The following GPR158 variants were observed in gnomAD, a reference collection of about 807,000 sequenced individuals.
The protein encoded by GPR158 is metabotropic glycine receptor.
GPR158 carries 30 observed loss-of-function variants against 78.2 expected under a neutral mutation model. That is an observed-to-expected ratio of 0.38 (90% CI 0.29 to 0.52). The LOEUF is 0.52. Among genes scored for constraint, GPR158 ranks in the 20% least tolerant of loss-of-function variants. The probability of loss-of-function intolerance (pLI) is 0.83; values close to 1 mark genes in which losing one functional copy is unlikely to be tolerated. For synonymous variants in GPR158, 581 were observed against 591.1 expected (o/e 0.98, Z 0.25); for missense variants, 1,463 against 1,523.5 (o/e 0.96, Z 0.66).
intron 1 of GPR158, among the ~76,000 whole-genome samples, chr10:25,177,910 G>T (rs902769552): frequency 6.6e-6 from 1 of 152,110 alleles, no homozygotes; most frequent in African/African-American, 2.4e-5. Context: ...AATTCCTGCA[G>T]GATCCTATTA....
chr10:25,262,992 G>A (rs1227194356), intron 2 of GPR158, among the ~76,000 whole-genome samples: 1 of 152,124 alleles, frequency 6.6e-6, no homozygotes, highest in Non-Finnish European at 1.5e-5. Flanking sequence ...TTCCCAGTGT[G>A]TGGCTTCTCT....
At chr10:25,207,966 C>A (rs554736883) in intron 1 of GPR158, among the ~76,000 whole-genome samples, 1 of 152,262 alleles carries the variant, frequency 6.6e-6, no homozygotes, top group Non-Finnish European at 1.5e-5. Flanking sequence ...ATCATTAACA[C>A]AATTATGTAT....
chr10:25,463,590 G>A (rs1835385117), intron 4 of GPR158, among the ~76,000 whole-genome samples: 2 of 152,038 alleles, frequency 1.3e-5, no homozygotes, highest in Non-Finnish European at 1.5e-5. Context: ...AACAACTCTG[G>A]TTATAGTTTC....
At chr10:25,529,035 C>T (rs556382471) in intron 5 of GPR158, among the ~76,000 whole-genome samples, 1 of 152,144 alleles carries the variant, frequency 6.6e-6, no homozygotes, top group South Asian at 2.1e-4. Flanking sequence ...TTTCAACGAA[C>T]GGTGCTGAAA....
intron 2 of GPR158, among the ~76,000 whole-genome samples, chr10:25,373,726 A>G (rs1483701346): frequency 6.6e-6 from 1 of 151,812 alleles, no homozygotes; most frequent in Non-Finnish European, 1.5e-5. Context: ...TTCCAAGTAT[A>G]CTAGGATTCT....
chr10:25,546,912 C>T (rs1034518255), intron 5 of GPR158, among the ~76,000 whole-genome samples: 4 of 152,064 alleles, frequency 2.6e-5, no homozygotes, highest in East Asian at 1.9e-4. Flanking sequence ...ATGCAAGGAC[C>T]GCAGGGATCA....
intron 4 of GPR158, among the ~76,000 whole-genome samples, chr10:25,446,881 C>T (rs1304462076): frequency 1.3e-5 from 2 of 152,120 alleles, no homozygotes; most frequent in Non-Finnish European, 2.9e-5. Flanking sequence ...TTTAAATCGG[C>T]AGATAAGATA....
chr10:25,210,147 C>T (rs377155949), intron 1 of GPR158, among the ~76,000 whole-genome samples: 86 of 152,326 alleles, frequency 5.6e-4, no homozygotes, highest in Middle Eastern at 6.8e-3. Flanking sequence ...CTTGAACCCA[C>T]CCCATTTACA....
At chr10:25,227,381 C>T (rs983612983) in intron 2 of GPR158, among the ~76,000 whole-genome samples, 1 of 152,186 alleles carries the variant, frequency 6.6e-6, no homozygotes, top group Non-Finnish European at 1.5e-5. Context: ...TATTAAAATA[C>T]AATACATCTT....
At chr10:25,597,094 G>T (rs1564501296) in intron 10 of GPR158, among the ~76,000 whole-genome samples, 1 of 152,132 alleles carries the variant, frequency 6.6e-6, no homozygotes, top group South Asian at 2.1e-4. Flanking sequence ...CTGATTAAAC[G>T]TGTTCCATAA....
At chr10:25,261,594 A>G (rs1370276154) in intron 2 of GPR158, among the ~76,000 whole-genome samples, 2 of 152,138 alleles carry the variant, frequency 1.3e-5, no homozygotes, top group African/African-American at 4.8e-5. Flanking sequence ...TCAGCGTGTG[A>G]TACACTTGGA....
chr10:25,221,647 G>A (rs1365165962), intron 2 of GPR158, among the ~76,000 whole-genome samples: 3 of 152,150 alleles, frequency 2.0e-5, no homozygotes, highest in Non-Finnish European at 2.9e-5. Context: ...ATATGTGTGT[G>A]TATTTGTTCA....
At chr10:25,445,275 G>T (rs1835125871) in intron 4 of GPR158, among the ~76,000 whole-genome samples, 1 of 152,122 alleles carries the variant, frequency 6.6e-6, no homozygotes, top group Non-Finnish European at 1.5e-5. Context: ...AGATGCATAA[G>T]ACTTTCCTAG....
At chr10:25,594,676 C>T (rs1031495082) in intron 9 of GPR158, among the ~76,000 whole-genome samples, 1 of 152,038 alleles carries the variant, frequency 6.6e-6, no homozygotes, top group African/African-American at 2.4e-5. Context: ...TTCATTCTAG[C>T]TGTAACAGCA....
intron 1 of GPR158, among the ~76,000 whole-genome samples, chr10:25,205,088 A>G (rs1473670326): frequency 1.3e-5 from 2 of 152,196 alleles, no homozygotes; most frequent in Non-Finnish European, 2.9e-5. Flanking sequence ...CCTGCCACCA[A>G]TATAAAACTT....
chr10:25,576,103 G>A (rs1040105964), intron 7 of GPR158, among the ~76,000 whole-genome samples: 1 of 151,878 alleles, frequency 6.6e-6, no homozygotes, highest in African/African-American at 2.4e-5. Context: ...TTTTGGTCAC[G>A]TGGATGAATT....
At chr10:25,312,236 A>G (rs976591607) in intron 2 of GPR158, among the ~76,000 whole-genome samples, 3 of 152,150 alleles carry the variant, frequency 2.0e-5, no homozygotes, top group Admixed American at 6.5e-5. Flanking sequence ...TACAATTTGA[A>G]TGGATCTTTT....
At chr10:25,365,264 CCCA>C (rs1235415822) in intron 2 of GPR158, among the ~76,000 whole-genome samples, 1,716 of 12,056 alleles carry the variant, frequency 0.14, 37 homozygotes, top group African/African-American at 0.37. Context: ...TAATTTTCTC[CCCA>C]TTTAAACAAT....
chr10:25,389,252 G>T (rs889147140), intron 2 of GPR158, among the ~76,000 whole-genome samples: 2 of 152,148 alleles, frequency 1.3e-5, no homozygotes, highest in Non-Finnish European at 2.9e-5. Context: ...GCCCATAAAA[G>T]CCCTGCACTC....
Sources: gnomAD v4.1 joint callset for allele counts (sites outside exome capture counted in the v4.1 genomes callset) on GRCh38, gnomAD v4.1.1 for gene constraint, MANE v1.5 for transcripts, NCBI Gene and HGNC (gene_info 2026-07-23, HGNC 2026-07-21) for gene names.